Variants in SMOX observed in about 807,000 individuals in gnomAD.
SMOX encodes spermine oxidase.
A neutral mutation model predicts 51.0 loss-of-function variants in SMOX; 22 were observed. The ratio of observed to expected loss-of-function variants is 0.43; its 90% CI spans 0.31 to 0.62. The LOEUF (loss-of-function observed/expected upper bound fraction) is 0.62, where lower values mean the gene tolerates loss of function less well. Among genes scored for constraint, SMOX ranks in the 20% least tolerant of loss-of-function variants. The probability of loss-of-function intolerance (pLI) is 0.10; values close to 1 mark genes in which losing one functional copy is unlikely to be tolerated. For synonymous variants in SMOX, 282 were observed against 307.8 expected (o/e 0.92, Z 0.88); for missense variants, 566 against 777.7 (o/e 0.73, Z 3.24).
rs527876978 is a variant in SMOX, at chr20:4,156,625, G to A, written c.-27+7648G>A. On this transcript the variant is annotated intron_variant, in intron 1 of 6. Transcript: ENST00000305958. Reference sequence around the variant, plus strand: ...CTTTTCTCCCTGGTATTTCTGGGCCGAGAGCCAGCCCTGGGTTCTTGTGGC... The same window carrying A: ...CTTTTCTCCCTGGTATTTCTGGGCCAAGAGCCAGCCCTGGGTTCTTGTGGC... 2.6e-5 allele frequency among the ~76,000 whole-genome samples: 4 copies of A among 152,312 alleles called. No individual in the cohort carries two copies. The East Asian group carries it at 7.7e-4, about 29-fold the overall frequency.
rs929165442 is a variant in SMOX at position 4,181,299 on chromosome 20, G to A, written c.436-504G>A. Among the ~76,000 whole-genome samples, 3 of 152,232 alleles carry A rather than the reference G, an allele frequency of 2.0e-5. No individual in the cohort carries two copies. Among genetic ancestry groups the A allele is most frequent in the Non-Finnish European group, 4.4e-5 (3 of 68,048 alleles). ...TACGGAGCTGCACAGGCCCAGGGAG[G>A]TGTCTCCAGTCGTCAGGGGCCCTTC... On this transcript the variant is annotated intron_variant, in intron 3 of 6. Coordinates refer to ENST00000305958, the MANE Select transcript of SMOX (RefSeq NM_175839.3). The surrounding 1 kb of genome is among the most constrained non-coding windows in gnomAD (Gnocchi z 5.6).
At chr20:4,186,793 C>A (rs1301325949) in intron 6 of SMOX, 1 of 780,918 alleles carries the variant, frequency 1.3e-6, no homozygotes, top group African/African-American at 1.7e-5. Flanking sequence ...CTTCCAAGTG[C>A]CCAGAACAGC....
chr20:4,169,194 G>T (rs1413126488), intron 1 of SMOX, among the ~76,000 whole-genome samples: 1 of 152,000 alleles, frequency 6.6e-6, no homozygotes, highest in Admixed American at 6.6e-5. Flanking sequence ...TAGAAACTAG[G>T]TCTCACTATG....
In SMOX at chr20:4,182,878, C is replaced by T. The variant is rs564893517; in HGVS notation, c.1369+30C>T. On this transcript the variant is annotated intron_variant, in intron 5 of 6. Transcript: ENST00000305958. This position sits in a 1 kb window ranked among gnomAD's most constrained non-coding sequence, Gnocchi z 8.4. ...GCCACGTGCCCCACGACCCGCTTCC[C>T]CCACCCTGCTTCTTCCTCACCTGCC... is the stretch of plus-strand genomic sequence containing the variant. 1.2e-4 allele frequency: 185 copies of T among 1,582,424 alleles called. No individual in the cohort carries two copies. The highest frequency in any genetic ancestry group is 1.5e-4 in the Non-Finnish European group (175 of 1,169,344).
rs1229868276 is a variant in SMOX, at chr20:4,183,726, G to A, written c.1530+72G>A. On this transcript the variant is annotated intron_variant, in intron 6 of 6. Transcript: ENST00000305958. This position sits in a 1 kb window ranked among gnomAD's most constrained non-coding sequence, Gnocchi z 4.3. ...GTATGTGTGTCCGGTCCAGGGTGAGGAGGGCTAGGGTAGTGTTCACTAAGG... is the reference window on the plus strand; with the variant it reads ...GTATGTGTGTCCGGTCCAGGGTGAGAAGGGCTAGGGTAGTGTTCACTAAGG... 6.0e-6 allele frequency: 9 copies of A among 1,495,028 alleles called. No homozygotes were observed. Among genetic ancestry groups the A allele is most frequent in the Non-Finnish European group, 7.1e-6 (8 of 1,129,654 alleles). 92.6% of individuals were successfully genotyped at this position (1,495,028 alleles called of 1,614,324 possible). A position where few individuals can be genotyped will look rare whatever the true frequency, so the allele number is the denominator to read the frequency against.
intron 1 of SMOX, among the ~76,000 whole-genome samples, chr20:4,159,171 G>A (rs562318959): frequency 1.5e-3 from 226 of 152,168 alleles, no homozygotes; most frequent in Middle Eastern, 6.8e-3. Context: ...GAGTGCAATG[G>A]CGCGATCTTG....
chr20:4,159,354 C>T (rs372269271), intron 1 of SMOX, among the ~76,000 whole-genome samples: 11 of 152,134 alleles, frequency 7.2e-5, no homozygotes, highest in African/African-American at 1.4e-4. Context: ...TCAAGTGATC[C>T]GCCCACTTCG....
intron 1 of SMOX, among the ~76,000 whole-genome samples, chr20:4,169,581 T>C (rs1046182318): frequency 8.5e-5 from 13 of 152,166 alleles, no homozygotes; most frequent in African/African-American, 2.9e-4. Flanking sequence ...ACCTCAGCCC[T>C]GCCCTGTGGC....
chr20:4,180,457 C>T (rs989402168), intron 3 of SMOX, among the ~76,000 whole-genome samples: 6 of 152,214 alleles, frequency 3.9e-5, no homozygotes, highest in Non-Finnish European at 8.8e-5. Context: ...ACAAACCATT[C>T]ATCAGCTCAG....
intron 3 of SMOX, among the ~76,000 whole-genome samples, chr20:4,179,370 T>TG (rs1319191541): frequency 6.6e-6 from 1 of 152,176 alleles, no homozygotes; most frequent in Admixed American, 6.5e-5. Flanking sequence ...GAGTGCGTTG[T>TG]GGATATGGAG....
Position 4,187,341 on chromosome 20 carries a change from G to C in SMOX, c.1602G>C (p.Leu534=). ...KYYSTTHGAL[L]SGQREAARLI... is the part of the protein sequence containing the mutation. ...ATTCCACCACCCACGGTGCTCTGCT[G>C]TCCGGCCAGCGTGAGGCTGCCCGCC... is the stretch of plus-strand genomic sequence containing the variant. Residue 534 remains leucine, a synonymous_variant, in exon 7 of 7, where the codon CTG becomes CTC. Transcript: ENST00000305958. The surrounding 1 kb of genome is among the most constrained non-coding windows in gnomAD (Gnocchi z 4.8). 4 of 1,614,240 alleles carry C rather than the reference G, an allele frequency of 2.5e-6. No individual in the cohort carries two copies. Among genetic ancestry groups the C allele is most frequent in the South Asian group, 1.1e-5 (1 of 91,088 alleles).
Position 4,187,231 on chromosome 20 carries a change from C to T in SMOX, c.1531-39C>T. On this transcript the variant is annotated intron_variant, in intron 6 of 6. Coordinates refer to ENST00000305958, the MANE Select transcript of SMOX (RefSeq NM_175839.3). This position sits in a 1 kb window ranked among gnomAD's most constrained non-coding sequence, Gnocchi z 4.8. ...TGGCCTTGTGGCCTTCTGGCCTTTG[C>T]TGCTCCTCCACCCTGACCTCCCCAT... 6.3e-7 allele frequency: 1 copy of T among 1,586,032 alleles called. No individual in the cohort carries two copies. Among genetic ancestry groups the T allele is most frequent in the South Asian group, 1.1e-5 (1 of 87,580 alleles).
intron 1 of SMOX, among the ~76,000 whole-genome samples, chr20:4,161,330 G>A (rs909111804): frequency 6.6e-6 from 1 of 152,182 alleles, no homozygotes; most frequent in Non-Finnish European, 1.5e-5. Context: ...GTGATGGCAG[G>A]CGGCTTGGAG....
chr20:4,182,995 T>G lies in SMOX; in HGVS notation c.1369+147T>G. The G allele has an allele frequency of 8.4e-7, 1 of 1,187,918 alleles. No individual in the cohort carries two copies. The highest frequency in any genetic ancestry group is 1.1e-6 in the Non-Finnish European group (1 of 871,472). 73.6% of individuals were successfully genotyped at this position (1,187,918 alleles called of 1,614,324 possible). A position where few individuals can be genotyped will look rare whatever the true frequency, so the allele number is the denominator to read the frequency against. Reference sequence around the variant, plus strand: ...GGGAGAGCCACTGCAGGGTGCCACATTCAGCCAAAGGCTCTTCAGTTGCTG... The same window carrying G: ...GGGAGAGCCACTGCAGGGTGCCACAGTCAGCCAAAGGCTCTTCAGTTGCTG... On this transcript the variant is annotated intron_variant, in intron 5 of 6. Transcript: ENST00000305958. This position sits in a 1 kb window ranked among gnomAD's most constrained non-coding sequence, Gnocchi z 8.4.
At position 4,183,205 on chromosome 20, in the gene SMOX, C is replaced by A. The variant is rs3818192; in HGVS notation, c.1370-289C>A. The A allele has an allele frequency of 7.0e-6, 4 of 567,540 alleles. No individual in the cohort carries two copies. In the African/African-American group the frequency reaches 7.5e-5, roughly 11 times the overall value. 35.2% of individuals were successfully genotyped at this position (567,540 alleles called of 1,614,324 possible). A position where few individuals can be genotyped will look rare whatever the true frequency, so the allele number is the denominator to read the frequency against. On this transcript the variant is annotated intron_variant, in intron 5 of 6. Transcript: ENST00000305958. This position sits in a 1 kb window ranked among gnomAD's most constrained non-coding sequence, Gnocchi z 4.3. ...CACCCACTATTCCAGGAGGACCTCA[C>A]GAGAACCCCCGATATTAGGCGGGGA...
In SMOX at chr20:4,182,164, C is replaced by G. The variant is rs987012222; in HGVS notation, c.685C>G (p.Pro229Ala). ...LSAFGEWTEI[P>A]GAHHIIPSGF... ...CGCCTTCGGGGAGTGGACCGAGATC[C>G]CCGGCGCTCACCACATCATCCCCTC... The change falls in exon 5 of 7, where the codon CCC (proline) becomes GCC (alanine). Residue 229 changes from proline (P) to alanine (A), a missense_variant. Around this residue, in one of 3 missense-constraint regions of SMOX, gnomAD observed 347 missense variants for 481.8 expected, o/e 0.72. Transcript: ENST00000305958. This position sits in a 1 kb window ranked among gnomAD's most constrained non-coding sequence, Gnocchi z 8.4. The G allele has an allele frequency of 5.6e-6, 9 of 1,613,156 alleles. No homozygotes were observed. The highest frequency in any genetic ancestry group is 3.3e-4 in the Middle Eastern group (2 of 6,082).
chr20:4,169,341 C>A (rs773558341), intron 1 of SMOX, among the ~76,000 whole-genome samples: 1 of 151,998 alleles, frequency 6.6e-6, no homozygotes, highest in African/African-American at 2.4e-5. Flanking sequence ...TTGTGAGGGG[C>A]GTCTTGGAAG....
At chr20:4,162,118 G>A (rs1986359494) in intron 1 of SMOX, among the ~76,000 whole-genome samples, 1 of 152,202 alleles carries the variant, frequency 6.6e-6, no homozygotes, top group Non-Finnish European at 1.5e-5. Context: ...GGGTGCCTCG[G>A]GGAGCCAACC....
At chr20:4,171,240 G>A (rs534762966) in intron 1 of SMOX, among the ~76,000 whole-genome samples, 45 of 152,266 alleles carry the variant, frequency 3.0e-4, no homozygotes, top group African/African-American at 1.0e-3. Context: ...CCATTTAAGT[G>A]ATTCTCCTTC....
Sources: gnomAD v4.1 joint callset for allele counts (sites outside exome capture counted in the v4.1 genomes callset) on GRCh38, gnomAD v4.1.1 for gene constraint, gnomAD v4.1.1 regional missense constraint, Gnocchi (gnomAD v3.1) non-coding constraint, MANE v1.5 for transcripts, NCBI Gene and HGNC (gene_info 2026-07-23, HGNC 2026-07-21) for gene names.